ANKDD1A: variants seen among roughly 807,000 people sequenced by gnomAD.
ANKDD1A encodes ankyrin repeat and death domain containing 1A.
ANKDD1A carries 59 observed loss-of-function variants against 63.5 expected under a neutral mutation model. The observed-to-expected ratio is 0.93, with a 90% CI of 0.75 to 1.15. The LOEUF (loss-of-function observed/expected upper bound fraction) is 1.15. ANKDD1A is among the 50% of genes most tolerant of loss of function. ANKDD1A has a pLI of 0.00. For synonymous variants in ANKDD1A, 266 were observed against 263.9 expected (o/e 1.01, Z -0.08); for missense variants, 632 against 656.4 (o/e 0.96, Z 0.41).
intron 8 of ANKDD1A, chr15:64,932,341 G>A (rs2085098446): frequency 6.6e-6 from 1 of 152,148 alleles, no homozygotes; most frequent in Non-Finnish European, 1.5e-5. Flanking sequence ...CTAGTACGAG[G>A]CAAAGCTGAG....
chr15:64,956,401 T>C (rs1250359569), intron 14 of ANKDD1A, among the ~76,000 whole-genome samples: 1 of 152,042 alleles, frequency 6.6e-6, no homozygotes, highest in African/African-American at 2.4e-5. Flanking sequence ...TACAAAAAAT[T>C]AGCCAGGCAT....
intron 14 of ANKDD1A, chr15:64,951,450 T>TTCA: frequency 2.8e-5 from 1 of 35,184 alleles, no homozygotes. Context: ...CTTCTTCCCT[T>TTCA]TCTTTTCTTT....
chr15:64,951,299 C>CTTGTTTTCTTCTCTTCTTCTTCTT (rs1555397288), intron 14 of ANKDD1A: 1 of 850,286 alleles, frequency 1.2e-6, no homozygotes. Context: ...TCTTCTTCTT[C>CTTGTTTTCTTCTCTTCTTCTTCTT]TTCTTCTCTT....
chr15:64,917,431 C>G lies in ANKDD1A; in HGVS notation c.184C>G (p.Gln62Glu). The G allele has an allele frequency of 6.2e-7, 1 of 1,610,768 alleles. No homozygotes were observed. ...CTGGGCTGCAGGTGCAGGGCACGAG[C>G]AGGCTGTGCGTCTGCTTCTGGAGCA... Reference protein sequence around the residue: ...LHWAAGAGHEQAVRLLLEHEA... With the variant: ...LHWAAGAGHEEAVRLLLEHEA... Residue 62 changes from glutamine (Q) to glutamate (E), a missense_variant, in exon 3 of 15, where the codon CAG becomes GAG. By Grantham distance (29) the Gln-to-Glu change is conservative. Coordinates refer to ENST00000319580, the MANE Select transcript of ANKDD1A (RefSeq NM_182703.6).
chr15:64,954,618 TCTTTTC>T (rs2085392236), intron 14 of ANKDD1A, among the ~76,000 whole-genome samples: 1 of 116,130 alleles, frequency 8.6e-6, no homozygotes, highest in African/African-American at 3.0e-5. Flanking sequence ...TCCTCCTTCC[TCTTTTC>T]TTCTTCCTTT....
In ANKDD1A at chr15:64,954,299, T is replaced by TCTTCTC. The variant is rs1214385563; in HGVS notation, c.1484-2797_1484-2792dup. Among the ~76,000 whole-genome samples, 14 of 24,774 alleles carry TCTTCTC rather than the reference T, an allele frequency of 5.7e-4. No homozygotes were observed. In the East Asian group the frequency reaches 0.02, roughly 36 times the overall value. 16.3% of individuals were successfully genotyped at this position (24,774 alleles called of 152,430 possible). On this transcript the variant is annotated intron_variant, in intron 14 of 14. Coordinates refer to ENST00000319580, the MANE Select transcript of ANKDD1A (RefSeq NM_182703.6). ...TCTTCTTCCTTCTTAGTTCTCCTTT[T>TCTTCTC]CTTCTCCTTCTCTTCCTTCTTAGTT...
At chr15:64,953,002 T>TTCG (rs2085328335) in intron 14 of ANKDD1A, among the ~76,000 whole-genome samples, 1 of 742 alleles carries the variant, frequency 1.3e-3, no homozygotes. Context: ...TCCTTCTTAG[T>TTCG]TCTTTCTTCT....
chr15:64,936,384 T>G (rs2085132528), intron 9 of ANKDD1A, among the ~76,000 whole-genome samples: 1 of 152,238 alleles, frequency 6.6e-6, no homozygotes, highest in African/African-American at 2.4e-5. Flanking sequence ...GTTTTCCTGT[T>G]ACCTTCATTT....
chr15:64,938,680 A>G lies in ANKDD1A; in HGVS notation c.868-3787A>G, dbSNP rs900681653. Among the ~76,000 whole-genome samples the G allele has an allele frequency of 2.0e-5, 3 of 152,212 alleles. No individual in the cohort carries two copies. The East Asian group carries it at 5.8e-4, about 29-fold the overall frequency. The stretch of plus-strand genomic sequence containing the variant: ...TCGGTAGAAACTAAGGGCCAGACGC[A>G]GTGGCTCATGCCTGTAATCCCAGCA... On this transcript the variant is annotated intron_variant, in intron 9 of 14. Coordinates refer to ENST00000319580, the MANE Select transcript of ANKDD1A (RefSeq NM_182703.6).
intron 14 of ANKDD1A, among the ~76,000 whole-genome samples, chr15:64,956,288 G>C (rs1244256255): frequency 7.0e-6 from 1 of 143,196 alleles, no homozygotes; most frequent in Non-Finnish European, 1.5e-5. Flanking sequence ...AGTGGCTCAT[G>C]CCTGTAATCC....
At chr15:64,934,731 T>C (rs1361563235) in intron 9 of ANKDD1A, among the ~76,000 whole-genome samples, 2 of 150,332 alleles carry the variant, frequency 1.3e-5, no homozygotes, top group African/African-American at 4.9e-5. Context: ...TTGGCCAGGC[T>C]GGTCTTGAAC....
At chr15:64,912,896 C>T (rs1595844414) in intron 1 of ANKDD1A, among the ~76,000 whole-genome samples, 1 of 152,282 alleles carries the variant, frequency 6.6e-6, no homozygotes, top group East Asian at 1.9e-4. Context: ...TTGAGTGGGC[C>T]TGCGAAGAAT....
At chr15:64,929,124 A>C (rs989611131) in intron 6 of ANKDD1A, among the ~76,000 whole-genome samples, 1 of 152,216 alleles carries the variant, frequency 6.6e-6, no homozygotes, top group Non-Finnish European at 1.5e-5. Flanking sequence ...GAGAAAAACA[A>C]AGCTGTTGAG....
At chr15:64,943,862 C>T (rs1171293644) in intron 11 of ANKDD1A, 4 of 442,484 alleles carry the variant, frequency 9.0e-6, no homozygotes, top group Non-Finnish European at 1.7e-5. Flanking sequence ...ACTGTGACCT[C>T]CTGAGTCACC....
In ANKDD1A at chr15:64,917,435, C is replaced by T; in HGVS notation, c.188C>T (p.Ala63Val). The change falls in exon 3 of 15, where the codon GCT (alanine) becomes GTT (valine). Residue 63 changes from alanine (A) to valine (V), a missense_variant. Ala to Val is a moderately conservative substitution (Grantham distance 64, BLOSUM62 0). Coordinates refer to ENST00000319580, the MANE Select transcript of ANKDD1A (RefSeq NM_182703.6). ...GCTGCAGGTGCAGGGCACGAGCAGG[C>T]TGTGCGTCTGCTTCTGGAGCACGAG... The part of the protein sequence containing the change: ...HWAAGAGHEQ[A>V]VRLLLEHEAA... 1 of 1,610,496 alleles carries T rather than the reference C, an allele frequency of 6.2e-7. No individual in the cohort carries two copies. Among genetic ancestry groups the T allele is most frequent in the Non-Finnish European group, 8.5e-7 (1 of 1,179,026 alleles).
intron 12 of ANKDD1A, 105 bp from the exon 13 acceptor site, chr15:64,947,299 C>T: frequency 8.5e-7 from 1 of 1,180,258 alleles, no homozygotes; most frequent in Non-Finnish European, 1.2e-6. Context: ...AGCTCCCAGG[C>T]ACCCCAGCAG....
At chr15:64,933,912 T>C (rs894716342) in intron 8 of ANKDD1A, among the ~76,000 whole-genome samples, 10 of 152,174 alleles carry the variant, frequency 6.6e-5, no homozygotes, top group African/African-American at 2.2e-4. Flanking sequence ...GTCTGAATTC[T>C]TGAGTTTGTG....
At chr15:64,951,086 A>G in intron 14 of ANKDD1A, 1 of 1,189,836 alleles carries the variant, frequency 8.4e-7, no homozygotes, top group Non-Finnish European at 1.1e-6. Flanking sequence ...GATGACCATC[A>G]TTTAAGGGCT....
At position 64,947,449 on chromosome 15, in the gene ANKDD1A, G is replaced by T; in HGVS notation, c.1207G>T (p.Asp403Tyr). The change falls in exon 13 of 15, where the codon GAC (aspartate) becomes TAC (tyrosine). Residue 403 changes from aspartate (D) to tyrosine (Y), a missense_variant. By Grantham distance (160) the Asp-to-Tyr change is radical. Coordinates refer to ENST00000319580, the MANE Select transcript of ANKDD1A (RefSeq NM_182703.6). The part of the protein sequence containing the change: ...PSGKSLSFKQ[D>Y]HRQETQQLRS... The stretch of plus-strand genomic sequence containing the variant: ...TGGGAAGAGCTTGTCCTTTAAGCAG[G>T]ACCATCGGCAGGAAACACAGCAGCT... 1.2e-6 allele frequency: 2 copies of T among 1,614,092 alleles called. No homozygotes were observed. The highest frequency in any genetic ancestry group is 1.7e-6 in the Non-Finnish European group (2 of 1,180,006).
Sources: gnomAD v4.1 joint callset for allele counts (sites outside exome capture counted in the v4.1 genomes callset) on GRCh38, gnomAD v4.1.1 for gene constraint, MANE v1.5 for transcripts, NCBI Gene and HGNC (gene_info 2026-07-23, HGNC 2026-07-21) for gene names.